Variants in PPP1R9A observed in about 807,000 individuals in gnomAD.
PPP1R9A encodes the protein neurabin-1.
PPP1R9A carries 59 observed loss-of-function variants against 141.9 expected under a neutral mutation model. The ratio of observed to expected loss-of-function variants is 0.42; its 90% CI spans 0.34 to 0.52. PPP1R9A has a LOEUF of 0.52. PPP1R9A is among the 20% of genes least tolerant of loss of function. The pLI, the probability that PPP1R9A is intolerant of heterozygous loss-of-function variation, is 0.10. For missense variants in PPP1R9A, 1,444 were observed against 1,611.9 expected, an observed-to-expected ratio of 0.90 and a Z score of 1.78; for synonymous variants, 500 against 569.7, an observed-to-expected ratio of 0.88 and a Z score of 1.74.
chr7:94,918,851 A>C lies in PPP1R9A; in HGVS notation c.1395+7343A>C, dbSNP rs531221926. ...GAAAGTCTAGAGAGCAATGGCATAA[A>C]GAATTTTCTTCTGGTTGGTGATATG... On this transcript the variant is annotated intron_variant, in intron 2 of 19. Coordinates refer to ENST00000433360, the MANE Select transcript of PPP1R9A (RefSeq NM_001166160.2). Among the ~76,000 whole-genome samples, 109 of 152,210 alleles carry C rather than the reference A, an allele frequency of 7.2e-4. 2 individuals carry two copies. Among genetic ancestry groups the C allele is most frequent in the Non-Finnish European group, 1.9e-4 (13 of 68,034 alleles).
intron 7 of PPP1R9A, among the ~76,000 whole-genome samples, chr7:95,212,816 G>T (rs1792417798): frequency 1.3e-5 from 2 of 152,174 alleles, no homozygotes; most frequent in Admixed American, 6.5e-5. Context: ...AAAGTCCTGG[G>T]TTTCTAAGGT....
intron 2 of PPP1R9A, among the ~76,000 whole-genome samples, chr7:94,913,586 A>G (rs1271648070): frequency 6.6e-6 from 1 of 152,166 alleles, no homozygotes; most frequent in Non-Finnish European, 1.5e-5. Context: ...AGCCCTTTGT[A>G]ATGAATAACA....
Position 95,268,692 on chromosome 7 carries a change from C to T in PPP1R9A, c.2808C>T (p.Asp936=). The change falls in exon 13 of 20, where the codon GAC becomes GAT. Residue 936 remains aspartate (D), a synonymous_variant. Transcript: ENST00000433360. ...YDSVSSTDGE[D]SLERKPSNSF... The stretch of plus-strand genomic sequence containing the variant: ...GTGTTAGTTCCACAGATGGGGAGGA[C>T]AGTCTAGAGAGAAAGGTGAGCACCC... 1 of 1,612,914 alleles carries T rather than the reference C, an allele frequency of 6.2e-7. No homozygotes were observed. The highest frequency in any genetic ancestry group is 1.1e-5 in the South Asian group (1 of 91,048).
intron 2 of PPP1R9A, among the ~76,000 whole-genome samples, chr7:95,046,440 T>C (rs1024681616): frequency 2.6e-5 from 4 of 152,242 alleles, no homozygotes; most frequent in African/African-American, 9.6e-5. Context: ...TTGTATTTTC[T>C]AAAAGCAGAT....
rs1807058940 is a variant in PPP1R9A at position 95,296,030 on chromosome 7, A to G, written c.*5727A>G. 6.6e-6 allele frequency: 1 copy of G among 152,654 alleles called. No homozygotes were observed. The highest frequency in any genetic ancestry group is 6.5e-5 in the Admixed American group (1 of 15,280). 9.5% of individuals were successfully genotyped at this position (152,654 alleles called of 1,614,324 possible). On this transcript the variant is annotated 3_prime_UTR_variant, in exon 20 of 20. Transcript: ENST00000433360. ...TTGATTTCTTTTCAGCTTTCTTTGTATATCAGTAAAGAACACGAATTGTTT... is the reference window on the plus strand; with the variant it reads ...TTGATTTCTTTTCAGCTTTCTTTGTGTATCAGTAAAGAACACGAATTGTTT...
chr7:94,914,175 T>C (rs760756940), intron 2 of PPP1R9A, among the ~76,000 whole-genome samples: 1 of 152,228 alleles, frequency 6.6e-6, no homozygotes, highest in Non-Finnish European at 1.5e-5. Flanking sequence ...AAATAAATGA[T>C]TTTTAGAACT....
intron 2 of PPP1R9A, among the ~76,000 whole-genome samples, chr7:95,030,207 A>T (rs527607160): frequency 6.6e-6 from 1 of 152,336 alleles, no homozygotes; most frequent in Admixed American, 6.5e-5. Flanking sequence ...TCTGTGAAAT[A>T]GTGTTAATAA....
chr7:95,044,227 A>C (rs1372132543), intron 2 of PPP1R9A, among the ~76,000 whole-genome samples: 1 of 152,192 alleles, frequency 6.6e-6, no homozygotes, highest in Non-Finnish European at 1.5e-5. Context: ...CACTTTATCC[A>C]TCATTCTCAC....
chr7:94,986,754 TAAAAA>T (rs1800896536), intron 2 of PPP1R9A, among the ~76,000 whole-genome samples: 3 of 152,328 alleles, frequency 2.0e-5, no homozygotes, highest in East Asian at 1.9e-4. Flanking sequence ...ATGTGTCAAT[TAAAAA>T]GAAAAGGGAA....
intron 8 of PPP1R9A, among the ~76,000 whole-genome samples, chr7:95,238,311 A>G (rs1057333185): frequency 1.3e-5 from 2 of 152,136 alleles, no homozygotes; most frequent in East Asian, 3.9e-4. Context: ...TACCTACCAC[A>G]TTACACCAAA....
chr7:95,004,731 A>G (rs1803372708), intron 2 of PPP1R9A, among the ~76,000 whole-genome samples: 2 of 152,176 alleles, frequency 1.3e-5, no homozygotes, highest in African/African-American at 4.8e-5. Flanking sequence ...ATACTGTGGT[A>G]TGACTGGTGA....
chr7:95,153,655 G>A (rs1584978496), intron 4 of PPP1R9A, among the ~76,000 whole-genome samples: 1 of 152,212 alleles, frequency 6.6e-6, no homozygotes, highest in East Asian at 1.9e-4. Flanking sequence ...CCTTATATTG[G>A]TACATATTTA....
At chr7:95,286,356 T>C in intron 18 of PPP1R9A, 31 bp downstream of exon 18, 1 of 1,608,238 alleles carries the variant, frequency 6.2e-7, no homozygotes, top group Non-Finnish European at 8.5e-7. Flanking sequence ...CAGAGCTGCT[T>C]TGTCAAATCT....
intron 4 of PPP1R9A, among the ~76,000 whole-genome samples, chr7:95,131,640 CTT>C (rs561350935): frequency 1.9e-4 from 26 of 139,750 alleles, no homozygotes; most frequent in Admixed American, 3.6e-4. Context: ...TGAATTTTAA[CTT>C]TTTTTTTTTT....
At chr7:95,202,613 C>A in intron 6 of PPP1R9A, 1 of 910,092 alleles carries the variant, frequency 1.1e-6, no homozygotes, top group Non-Finnish European at 1.3e-6. Flanking sequence ...ACAATCAGCA[C>A]TATTTCATGA....
chr7:95,142,358 G>A (rs7811541), intron 4 of PPP1R9A, among the ~76,000 whole-genome samples: 53,460 of 151,678 alleles, frequency 0.35, 10,226 homozygotes, highest in Middle Eastern at 0.48. Context: ...TAATTTTGAT[G>A]AAGTTCAATT....
intron 2 of PPP1R9A, among the ~76,000 whole-genome samples, chr7:94,969,740 G>A (rs546940015): frequency 1.3e-5 from 2 of 152,076 alleles, no homozygotes; most frequent in Admixed American, 6.5e-5. Flanking sequence ...CTGAAGCTGC[G>A]CCCAGAGCCA....
chr7:95,062,543 A>G (rs1812378435), intron 2 of PPP1R9A, among the ~76,000 whole-genome samples: 2 of 150,828 alleles, frequency 1.3e-5, no homozygotes, highest in African/African-American at 4.9e-5. Flanking sequence ...GTGTGCCACC[A>G]CACCTGGCTT....
intron 2 of PPP1R9A, among the ~76,000 whole-genome samples, chr7:95,016,544 GTTTA>G (rs975795390): frequency 5.3e-5 from 8 of 151,834 alleles, no homozygotes; most frequent in African/African-American, 1.9e-4. Context: ...AGAATACAAG[GTTTA>G]TTTAACATCC....
Sources: allele counts gnomAD v4.1 joint callset (sites outside exome capture counted in the v4.1 genomes callset), GRCh38; gene constraint gnomAD v4.1.1; transcripts MANE v1.5; gene names NCBI Gene and HGNC (gene_info 2026-07-23, HGNC 2026-07-21).